RASAL2: variants seen among roughly 807,000 people sequenced by gnomAD.
The protein encoded by RASAL2 is RAS protein activator like 2.
A neutral mutation model predicts 128.9 loss-of-function variants in RASAL2; 58 were observed. The observed-to-expected ratio is 0.45, with a 90% CI of 0.36 to 0.56. The LOEUF is 0.56. RASAL2 is among the 20% of genes least tolerant of loss of function. RASAL2 has a pLI of 0.00. For missense variants in RASAL2, 1,360 were observed against 1,601.6 expected (o/e 0.85, Z 2.57); for synonymous variants, 561 against 580.8 (o/e 0.97, Z 0.49).
chr1:178,389,143 G>A (rs1002083440), intron 3 of RASAL2: 6 of 315,268 alleles, frequency 1.9e-5, no homozygotes, highest in African/African-American at 1.1e-4. Flanking sequence ...CCGGAGTTAC[G>A]ATTTACTCCT....
rs756656921 is a variant in RASAL2, at chr1:178,408,612, G to GTT, written c.565-11894_565-11893dup. Among the ~76,000 whole-genome samples, 1,270 of 141,694 alleles carry GTT rather than the reference G, an allele frequency of 9.0e-3. 31 individuals carry two copies. The highest frequency in any genetic ancestry group is 0.033 in the African/African-American group (1,116 of 34,222). The allele number at this position is 141,694 out of a possible 152,430, so 93.0% of individuals were successfully genotyped here. ...GTTGTTGTTTGGTTGGTTTTTTTTT[G>GTT]TTTTTTGTTTTTTGTTTTGCTTCTC... On this transcript the variant is annotated intron_variant, in intron 4 of 17. Coordinates refer to ENST00000367649, the MANE Select transcript of RASAL2 (RefSeq NM_170692.4).
intron 1 of RASAL2, among the ~76,000 whole-genome samples, chr1:178,095,631 T>C (rs1658649911): frequency 6.6e-6 from 1 of 152,240 alleles, no homozygotes; most frequent in Admixed American, 6.5e-5. Flanking sequence ...AAGCCTGTAG[T>C]GATCAAGTAC....
intron 11 of RASAL2, 60 bp downstream of exon 11, chr1:178,452,712 A>G: frequency 7.1e-7 from 1 of 1,406,600 alleles, no homozygotes; most frequent in South Asian, 1.2e-5. Context: ...TGAGGCCTAA[A>G]ATTTGGATGA....
At chr1:178,154,925 G>A (rs1661033185) in intron 1 of RASAL2, among the ~76,000 whole-genome samples, 1 of 152,112 alleles carries the variant, frequency 6.6e-6, no homozygotes, top group Non-Finnish European at 1.5e-5. Flanking sequence ...CCGGGTTCAG[G>A]CGATTCTCCT....
chr1:178,161,544 A>G (rs1360411913), intron 1 of RASAL2, among the ~76,000 whole-genome samples: 1 of 152,174 alleles, frequency 6.6e-6, no homozygotes, highest in Non-Finnish European at 1.5e-5. Context: ...TTTTTCTACC[A>G]TTTGACTATT....
chr1:178,110,489 T>C (rs552613133), intron 1 of RASAL2, among the ~76,000 whole-genome samples: 81 of 148,166 alleles, frequency 5.5e-4, no homozygotes, highest in Non-Finnish European at 9.8e-4. Flanking sequence ...ATTTATACAG[T>C]GTATATATAG....
intron 1 of RASAL2, among the ~76,000 whole-genome samples, chr1:178,119,227 T>C (rs573196616): frequency 1.3e-5 from 2 of 152,272 alleles, no homozygotes; most frequent in South Asian, 4.1e-4. Flanking sequence ...CTGGTGACTG[T>C]TTTTCTAAGA....
intron 1 of RASAL2, among the ~76,000 whole-genome samples, chr1:178,134,874 A>G (rs1016134421): frequency 6.6e-6 from 1 of 152,248 alleles, no homozygotes; most frequent in Non-Finnish European, 1.5e-5. Flanking sequence ...AACAAAGGTC[A>G]TGGCAACACT....
rs540070529 is a variant in RASAL2, at chr1:178,301,593, C to T, written c.457+1475C>T. ...GATTACAGGCATGCACCACCATGCC[C>T]GGCTAATTTTTGTATTTTTAATAGA... On this transcript the variant is annotated intron_variant, in intron 3 of 17. Coordinates refer to ENST00000367649, the MANE Select transcript of RASAL2 (RefSeq NM_170692.4). 2.1e-3 allele frequency among the ~76,000 whole-genome samples: 314 copies of T among 151,956 alleles called. 1 individual carries two copies. The highest frequency in any genetic ancestry group is 3.8e-3 in the Non-Finnish European group (261 of 67,942).
At position 178,457,190 on chromosome 1, in the gene RASAL2, C is replaced by T. The variant is rs61289295; in HGVS notation, c.2390+291C>T. On this transcript the variant is annotated intron_variant, in intron 13 of 17. Coordinates refer to ENST00000367649, the MANE Select transcript of RASAL2 (RefSeq NM_170692.4). ...GCTTTATGAAATTCATGTTTCTGTA[C>T]GTTATAGCATTCAAAATCTTGGAGA... is the stretch of plus-strand genomic sequence containing the variant. Among the ~76,000 whole-genome samples, 15 of 152,262 alleles carry T rather than the reference C, an allele frequency of 9.9e-5. 1 individual carries two copies. In the East Asian group the frequency reaches 2.7e-3, roughly 27 times the overall value.
At chr1:178,361,798 A>G (rs1458434386) in intron 3 of RASAL2, among the ~76,000 whole-genome samples, 1 of 152,044 alleles carries the variant, frequency 6.6e-6, no homozygotes. Flanking sequence ...TAATGAAATA[A>G]TTATACAACT....
At chr1:178,229,514 T>G (rs1663919749) in intron 1 of RASAL2, among the ~76,000 whole-genome samples, 1 of 152,102 alleles carries the variant, frequency 6.6e-6, no homozygotes, top group African/African-American at 2.4e-5. Context: ...ACCAGTCTGA[T>G]TTTGCTCATG....
chr1:178,200,980 C>A (rs1385625049), intron 1 of RASAL2, among the ~76,000 whole-genome samples: 1 of 152,200 alleles, frequency 6.6e-6, no homozygotes, highest in African/African-American at 2.4e-5. Flanking sequence ...CCACCTCCAA[C>A]ACCCTGTGAG....
chr1:178,253,255 A>G (rs1558143910), intron 1 of RASAL2, among the ~76,000 whole-genome samples: 2 of 151,952 alleles, frequency 1.3e-5, no homozygotes, highest in African/African-American at 2.4e-5. Context: ...TTTTTCTTTT[A>G]TTATAATGAT....
Position 178,474,601 on chromosome 1 carries a change from T to A in RASAL2, c.*1362T>A, listed in dbSNP as rs559817789. 2 of 152,234 alleles carry A rather than the reference T, an allele frequency of 1.3e-5. No homozygotes were observed. Among genetic ancestry groups the A allele is most frequent in the African/African-American group, 4.8e-5 (2 of 41,552 alleles). The allele number at this position is 152,234 out of a possible 1,614,324, so 9.4% of individuals were successfully genotyped here. ...GTCATGGAAACGAATTCATTTCCTT[T>A]TTTCCAGAGGTGTGCAATGTCATCT... is the stretch of plus-strand genomic sequence containing the variant. On this transcript the variant is annotated 3_prime_UTR_variant, in exon 18 of 18. Transcript: ENST00000367649.
intron 3 of RASAL2, among the ~76,000 whole-genome samples, chr1:178,366,842 A>C (rs1671431208): frequency 6.6e-6 from 1 of 152,200 alleles, no homozygotes; most frequent in East Asian, 1.9e-4. Flanking sequence ...ATATGATTTC[A>C]GTTGTATAAA....
intron 1 of RASAL2, among the ~76,000 whole-genome samples, chr1:178,124,394 G>A (rs1018513739): frequency 6.6e-6 from 1 of 152,142 alleles, no homozygotes; most frequent in African/African-American, 2.4e-5. Context: ...ATTTTAGAGT[G>A]CATGGTGCCC....
At chr1:178,153,387 T>C (rs1388617228) in intron 1 of RASAL2, among the ~76,000 whole-genome samples, 2 of 152,208 alleles carry the variant, frequency 1.3e-5, no homozygotes, top group Non-Finnish European at 2.9e-5. Flanking sequence ...AGTTACAGTT[T>C]TACAACTATT....
intron 1 of RASAL2, among the ~76,000 whole-genome samples, chr1:178,225,360 A>C (rs773898650): frequency 6.6e-4 from 100 of 152,086 alleles, no homozygotes; most frequent in African/African-American, 2.4e-3. Flanking sequence ...AAATAACAAC[A>C]CATTTTTTCT....
Sources: allele counts gnomAD v4.1 joint callset (sites outside exome capture counted in the v4.1 genomes callset), GRCh38; gene constraint gnomAD v4.1.1; transcripts MANE v1.5; gene names NCBI Gene and HGNC (gene_info 2026-07-23, HGNC 2026-07-21).